PHACTR1: variants seen among roughly 807,000 people sequenced by gnomAD.
PHACTR1 encodes phosphatase and actin regulator 1.
PHACTR1 carries 16 observed loss-of-function variants against 69.2 expected under a neutral mutation model. The ratio of observed to expected loss-of-function variants is 0.23; its 90% confidence interval spans 0.16 to 0.35. The LOEUF (loss-of-function observed/expected upper bound fraction) is 0.35. Ranked by LOEUF, PHACTR1 falls within the 10% of genes least tolerant of loss-of-function variation. The pLI, the probability that PHACTR1 is intolerant of heterozygous loss-of-function variation, is 1.00. For synonymous variants in PHACTR1, 312 were observed against 284.5 expected (o/e 1.10, Z -0.97); for missense variants, 510 against 734.7 (o/e 0.69, Z 3.54).
chr6:13,110,198 G>A (rs1816811322), intron 5 of PHACTR1, among the ~76,000 whole-genome samples: 1 of 151,770 alleles, frequency 6.6e-6, no homozygotes, highest in Admixed American at 6.6e-5. Context: ...TGTGTATCTT[G>A]TAGTTTTTTA....
chr6:12,821,402 G>A (rs1230915816), intron 4 of PHACTR1, among the ~76,000 whole-genome samples: 6 of 150,122 alleles, frequency 4.0e-5, no homozygotes, highest in South Asian at 4.2e-4. Context: ...GGCGGAGGTC[G>A]CAGTGAGCTG....
At chr6:13,087,794 T>C (rs541645699) in intron 5 of PHACTR1, among the ~76,000 whole-genome samples, 1 of 151,894 alleles carries the variant, frequency 6.6e-6, no homozygotes, top group African/African-American at 2.4e-5. Context: ...TATAGGTGCA[T>C]GCCACCACGC....
At chr6:13,003,812 G>C (rs1798387244) in intron 4 of PHACTR1, among the ~76,000 whole-genome samples, 1 of 151,142 alleles carries the variant, frequency 6.6e-6, no homozygotes, top group Admixed American at 6.6e-5. Context: ...CCACTGTTGA[G>C]CTCCTACTTA....
In PHACTR1 at chr6:12,729,328, G is replaced by C. The variant is rs552774341; in HGVS notation, c.103+10481G>C. Reference sequence around the variant, plus strand: ...ACTGTATTGATTTCCTCTGAAATCAGAGCAAACTCTACAGTTTATCATCGA... The same window carrying C: ...ACTGTATTGATTTCCTCTGAAATCACAGCAAACTCTACAGTTTATCATCGA... On this transcript the variant is annotated intron_variant, in intron 3 of 14. Transcript: ENST00000332995. 4.2e-4 allele frequency among the ~76,000 whole-genome samples: 64 copies of C among 152,312 alleles called. No individual in the cohort carries two copies. The South Asian group carries it at 0.013, about 30-fold the overall frequency.
intron 4 of PHACTR1, among the ~76,000 whole-genome samples, chr6:12,862,817 A>G (rs1029518589): frequency 1.3e-5 from 2 of 152,218 alleles, no homozygotes; most frequent in Non-Finnish European, 2.9e-5. Flanking sequence ...AGCAACCTAC[A>G]ATATATAAAT....
chr6:13,193,357 G>GTATATGTGTATATATATATATA (rs1554152202), intron 7 of PHACTR1, among the ~76,000 whole-genome samples: 4 of 68,162 alleles, frequency 5.9e-5, no homozygotes, highest in Non-Finnish European at 1.4e-4. Context: ...AGCTCTCTGT[G>GTATATGTGTATATATATATATA]TATATATATA....
chr6:12,999,294 T>C (rs1797803311), intron 4 of PHACTR1, among the ~76,000 whole-genome samples: 1 of 152,148 alleles, frequency 6.6e-6, no homozygotes, highest in Admixed American at 6.5e-5. Context: ...TGAACCAACA[T>C]GCAATAATCT....
intron 4 of PHACTR1, among the ~76,000 whole-genome samples, chr6:12,970,793 T>C (rs1234352031): frequency 1.3e-5 from 2 of 152,178 alleles, no homozygotes; most frequent in African/African-American, 2.4e-5. Flanking sequence ...CATTTTTATT[T>C]ACCCCATCTT....
intron 4 of PHACTR1, among the ~76,000 whole-genome samples, chr6:12,934,156 A>G (rs904074875): frequency 2.6e-5 from 4 of 152,146 alleles, no homozygotes; most frequent in African/African-American, 9.7e-5. Context: ...ACTGGGCTCA[A>G]AAATGCATCA....
intron 4 of PHACTR1, among the ~76,000 whole-genome samples, chr6:12,826,145 C>G (rs1024567030): frequency 6.6e-6 from 1 of 152,082 alleles, no homozygotes; most frequent in African/African-American, 2.4e-5. Flanking sequence ...GACTTAGAAC[C>G]AAGAAAGCCA....
chr6:12,783,693 T>G (rs1219367904), intron 4 of PHACTR1, among the ~76,000 whole-genome samples: 1 of 152,224 alleles, frequency 6.6e-6, no homozygotes, highest in East Asian at 1.9e-4. Flanking sequence ...ACAAAAATCT[T>G]GGAAATTATT....
chr6:13,201,615 G>A (rs139582895), intron 7 of PHACTR1, among the ~76,000 whole-genome samples: 85 of 152,320 alleles, frequency 5.6e-4, no homozygotes, highest in African/African-American at 2.0e-3. Context: ...GAGGAGATGA[G>A]TGTCTAGACT....
intron 4 of PHACTR1, among the ~76,000 whole-genome samples, chr6:13,027,097 A>G (rs1801800531): frequency 1.3e-5 from 2 of 152,112 alleles, no homozygotes; most frequent in African/African-American, 2.4e-5. Context: ...ACTTAGGGAT[A>G]TAAGGGATTA....
chr6:12,837,316 A>G (rs1283296447), intron 4 of PHACTR1, among the ~76,000 whole-genome samples: 1 of 152,228 alleles, frequency 6.6e-6, no homozygotes, highest in African/African-American at 2.4e-5. Flanking sequence ...TAAATTATAT[A>G]CTTTTAAAAT....
intron 10 of PHACTR1, among the ~76,000 whole-genome samples, chr6:13,257,923 C>T (rs73725645): frequency 0.014 from 2,188 of 152,184 alleles, 44 homozygotes; most frequent in African/African-American, 0.049. Context: ...TCAGTAGCTC[C>T]GGAGCCCAGT....
At chr6:12,926,495 G>A (rs1327901530) in intron 4 of PHACTR1, among the ~76,000 whole-genome samples, 5 of 152,050 alleles carry the variant, frequency 3.3e-5, no homozygotes, top group African/African-American at 1.2e-4. Flanking sequence ...CAGTTACTTC[G>A]AATTCCTTTT....
Position 12,820,325 on chromosome 6 carries a change from C to T in PHACTR1, c.250+70535C>T, listed in dbSNP as rs527340790. ...CCTCCCAAGGAGCTGGGACTACAGG[C>T]GCATGCCACCACGTCTGACTAATTT... On this transcript the variant is annotated intron_variant, in intron 4 of 14. Coordinates refer to ENST00000332995, the MANE Select transcript of PHACTR1 (RefSeq NM_030948.6). 1.1e-3 allele frequency among the ~76,000 whole-genome samples: 165 copies of T among 152,012 alleles called. 1 individual carries two copies. Among genetic ancestry groups the T allele is most frequent in the Non-Finnish European group, 1.8e-3 (125 of 68,018 alleles).
chr6:12,743,330 T>C (rs1005253216), intron 3 of PHACTR1, among the ~76,000 whole-genome samples: 7 of 152,210 alleles, frequency 4.6e-5, no homozygotes, highest in African/African-American at 1.7e-4. Context: ...AACCAATTTG[T>C]TTGCAAAAGT....
At position 13,221,521 on chromosome 6, in the gene PHACTR1, A is replaced by G. The variant is rs78356246; in HGVS notation, c.987-6295A>G. Among the ~76,000 whole-genome samples, 1,417 of 152,316 alleles carry G rather than the reference A, an allele frequency of 9.3e-3. 20 individuals carry two copies. The highest frequency in any genetic ancestry group is 0.03 in the African/African-American group (1,234 of 41,576). ...ACATAGGCAGTGGTATAGTGACATC[A>G]GTAGATCAGGTCCTGTAGTCTGATG... is the stretch of plus-strand genomic sequence containing the variant. On this transcript the variant is annotated intron_variant, in intron 8 of 14. Transcript: ENST00000332995.
Sources: gnomAD v4.1 joint callset for allele counts (sites outside exome capture counted in the v4.1 genomes callset) on GRCh38, gnomAD v4.1.1 for gene constraint, MANE v1.5 for transcripts, NCBI Gene and HGNC (gene_info 2026-07-23, HGNC 2026-07-21) for gene names.